Variants in HS3ST4 observed in about 807,000 individuals in gnomAD.
HS3ST4 encodes heparan sulfate-glucosamine 3-sulfotransferase 4, also known as heparan sulfate glucosamine 3-O-sulfotransferase 4.
In HS3ST4, 17 loss-of-function variants were observed where a neutral mutation model predicts 29.2. The observed-to-expected ratio is 0.58, with a 90% confidence interval of 0.40 to 0.87. HS3ST4 has a LOEUF of 0.87. Among genes scored for constraint, HS3ST4 ranks in the 40% least tolerant of loss-of-function variants. The probability of loss-of-function intolerance (pLI) is 0.00; values close to 1 mark genes in which losing one functional copy is unlikely to be tolerated. For missense variants in HS3ST4, 627 were observed against 634.5 expected (o/e 0.99, Z 0.13); for synonymous variants, 314 against 285.7 (o/e 1.10, Z -1.00).
intron 1 of HS3ST4, among the ~76,000 whole-genome samples, chr16:26,036,007 C>T (rs934201741): frequency 6.6e-6 from 1 of 152,218 alleles, no homozygotes; most frequent in African/African-American, 2.4e-5. Flanking sequence ...CAGGTGTTCA[C>T]TGAAAGTCTC....
intron 1 of HS3ST4, among the ~76,000 whole-genome samples, chr16:25,941,997 T>C (rs906318442): frequency 6.6e-6 from 1 of 152,188 alleles, no homozygotes; most frequent in East Asian, 1.9e-4. Flanking sequence ...TCAATATTTG[T>C]TTAATGACTC....
intron 1 of HS3ST4, among the ~76,000 whole-genome samples, chr16:25,978,606 A>G (rs759108077): frequency 4.6e-5 from 7 of 152,346 alleles, no homozygotes; most frequent in Non-Finnish European, 1.0e-4. Context: ...TTGTTGGCCA[A>G]GTAGGTGATC....
At chr16:25,981,609 C>CT (rs376892231) in intron 1 of HS3ST4, among the ~76,000 whole-genome samples, 11,671 of 136,706 alleles carry the variant, frequency 0.085, 657 homozygotes, top group African/African-American at 0.11. Flanking sequence ...TGGTGGAGTT[C>CT]TTTTTTTTTT....
intron 1 of HS3ST4, among the ~76,000 whole-genome samples, chr16:25,804,794 T>C (rs1845659532): frequency 6.6e-6 from 1 of 152,192 alleles, no homozygotes; most frequent in African/African-American, 2.4e-5. Context: ...TTGGGAGCCT[T>C]ATCTCAGACC....
intron 1 of HS3ST4, among the ~76,000 whole-genome samples, chr16:25,872,028 C>T (rs1056489018): frequency 5.9e-5 from 9 of 152,156 alleles, no homozygotes; most frequent in Admixed American, 6.5e-5. Context: ...CCTGATACAA[C>T]CACTTAGCCA....
chr16:25,887,691 A>ATTTTT (rs768447504), intron 1 of HS3ST4, among the ~76,000 whole-genome samples: 15 of 91,504 alleles, frequency 1.6e-4, no homozygotes, highest in South Asian at 3.7e-4. Context: ...GCTACACCTG[A>ATTTTT]TTTTTTTTTT....
intron 1 of HS3ST4, among the ~76,000 whole-genome samples, chr16:26,103,519 T>C (rs1213444758): frequency 6.6e-6 from 1 of 152,070 alleles, no homozygotes; most frequent in Non-Finnish European, 1.5e-5. Context: ...CCCTGGCTAT[T>C]TGGTTAGGAA....
intron 1 of HS3ST4, among the ~76,000 whole-genome samples, chr16:25,892,140 G>C (rs942618404): frequency 6.6e-6 from 1 of 152,154 alleles, no homozygotes; most frequent in East Asian, 1.9e-4. Context: ...ACAAAGTTCA[G>C]GCCAACCTGT....
chr16:26,108,855 A>T (rs1206643499), intron 1 of HS3ST4, among the ~76,000 whole-genome samples: 1 of 152,190 alleles, frequency 6.6e-6, no homozygotes, highest in Non-Finnish European at 1.5e-5. Context: ...ATAGTGATTA[A>T]TCGGAAATTC....
At chr16:25,798,317 C>G (rs1050784883) in intron 1 of HS3ST4, among the ~76,000 whole-genome samples, 2 of 152,208 alleles carry the variant, frequency 1.3e-5, no homozygotes, top group African/African-American at 4.8e-5. Context: ...CCCCAAATCT[C>G]TGGCTTACAA....
intron 1 of HS3ST4, among the ~76,000 whole-genome samples, chr16:26,064,610 C>CTTTT (rs869047078): frequency 5.6e-5 from 5 of 88,980 alleles, no homozygotes; most frequent in Admixed American, 1.3e-4. Context: ...GGATTGTAGT[C>CTTTT]TTTTTTTTTT....
At chr16:25,958,485 C>T (rs1366837747) in intron 1 of HS3ST4, among the ~76,000 whole-genome samples, 1 of 152,074 alleles carries the variant, frequency 6.6e-6, no homozygotes, top group African/African-American at 2.4e-5. Flanking sequence ...CGTGCACCAC[C>T]ACACCCGGCT....
At chr16:25,867,694 A>C (rs889900176) in intron 1 of HS3ST4, among the ~76,000 whole-genome samples, 1 of 152,184 alleles carries the variant, frequency 6.6e-6, no homozygotes, top group African/African-American at 2.4e-5. Context: ...TAATAGCTTC[A>C]GGGCTTGGCA....
At chr16:25,881,750 C>A (rs970985010) in intron 1 of HS3ST4, among the ~76,000 whole-genome samples, 3 of 151,960 alleles carry the variant, frequency 2.0e-5, no homozygotes, top group Admixed American at 1.3e-4. Context: ...TAGGACTGGC[C>A]AGAATGGAGG....
chr16:25,931,807 G>A (rs543227796), intron 1 of HS3ST4, among the ~76,000 whole-genome samples: 7 of 152,314 alleles, frequency 4.6e-5, no homozygotes, highest in East Asian at 1.9e-4. Flanking sequence ...TATGTGTAAT[G>A]TGTAGTAAGC....
chr16:25,954,497 AAAC>A (rs1346103461), intron 1 of HS3ST4, among the ~76,000 whole-genome samples: 1 of 152,248 alleles, frequency 6.6e-6, no homozygotes, highest in Non-Finnish European at 1.5e-5. Context: ...ATGAATAAAT[AAAC>A]AACAAAAGAA....
At chr16:25,756,781 T>TA (rs1004120888) in intron 1 of HS3ST4, among the ~76,000 whole-genome samples, 6 of 152,086 alleles carry the variant, frequency 3.9e-5, no homozygotes, top group African/African-American at 1.2e-4. Context: ...AAAACACTGT[T>TA]AAAAAAATAA....
At chr16:25,952,497 G>A (rs1298581957) in intron 1 of HS3ST4, among the ~76,000 whole-genome samples, 3 of 152,166 alleles carry the variant, frequency 2.0e-5, no homozygotes, top group Non-Finnish European at 4.4e-5. Flanking sequence ...TTCTTTACGA[G>A]CTCTTAACTT....
chr16:25,999,851 T>C (rs1596640068), intron 1 of HS3ST4, among the ~76,000 whole-genome samples: 1 of 133,354 alleles, frequency 7.5e-6, no homozygotes, highest in East Asian at 2.0e-4. Context: ...ATTTTATATA[T>C]ATTATATATA....
Sources: gnomAD v4.1 joint callset for allele counts (sites outside exome capture counted in the v4.1 genomes callset) on GRCh38, gnomAD v4.1.1 for gene constraint, MANE v1.5 for transcripts, NCBI Gene and HGNC (gene_info 2026-07-23, HGNC 2026-07-21) for gene names.